KLF12: variants seen among roughly 807,000 people sequenced by gnomAD.
The protein encoded by KLF12 is Krueppel-like factor 12.
In KLF12, 9 loss-of-function variants were observed where a neutral mutation model predicts 37.8. The ratio of observed to expected loss-of-function variants is 0.24; its 90% CI spans 0.14 to 0.42. The LOEUF (loss-of-function observed/expected upper bound fraction) is 0.42. KLF12 is among the 10% of genes least tolerant of loss of function. The probability of loss-of-function intolerance (pLI) is 1.00; values close to 1 mark genes in which losing one functional copy is unlikely to be tolerated. For missense variants in KLF12, 411 were observed against 516.0 expected (o/e 0.80, Z 1.97); for synonymous variants, 208 against 202.1 (o/e 1.03, Z -0.25).
intron 2 of KLF12, among the ~76,000 whole-genome samples, chr13:73,987,675 T>G (rs1593809025): frequency 1.5e-4 from 13 of 87,492 alleles, no homozygotes; most frequent in African/African-American, 1.8e-4. Context: ...AGAGAGGAAA[T>G]TGGAGAGAGG....
chr13:74,251,970 T>C, the KLF12 span, among the ~76,000 whole-genome samples: 194 of 152,172 alleles, frequency 1.3e-3, no homozygotes, highest in African/African-American at 4.3e-3. Context: ...TAGATGGGTG[T>C]GGCCAAGAAC....
chr13:73,928,745 A>C (rs1889525828), intron 3 of KLF12, among the ~76,000 whole-genome samples: 1 of 152,172 alleles, frequency 6.6e-6, no homozygotes, highest in Non-Finnish European at 1.5e-5. Flanking sequence ...TTTGTATCAC[A>C]AAAAAAGCAA....
At chr13:73,882,523 C>T (rs1382218761) in intron 3 of KLF12, among the ~76,000 whole-genome samples, 1 of 152,114 alleles carries the variant, frequency 6.6e-6, no homozygotes, top group Non-Finnish European at 1.5e-5. Context: ...GTTTTAAAAT[C>T]ACTGATATGT....
chr13:74,195,357 C>T, the KLF12 span, among the ~76,000 whole-genome samples: 1 of 152,072 alleles, frequency 6.6e-6, no homozygotes, highest in Non-Finnish European at 1.5e-5. Flanking sequence ...GCTGGGCGTG[C>T]GAACTGCAAG....
chr13:73,925,370 C>T (rs1889324738), intron 3 of KLF12, among the ~76,000 whole-genome samples: 1 of 152,132 alleles, frequency 6.6e-6, no homozygotes, highest in African/African-American at 2.4e-5. Context: ...AAGAATGATG[C>T]TAAATCTACT....
chr13:74,037,504 T>C (rs2138518136), intron 1 of KLF12, among the ~76,000 whole-genome samples: 1 of 152,282 alleles, frequency 6.6e-6, no homozygotes, highest in Middle Eastern at 3.4e-3. Flanking sequence ...TCCAATTCAT[T>C]GCGTATGAGC....
At chr13:74,101,957 C>T (rs938976301) in intron 1 of KLF12, among the ~76,000 whole-genome samples, 1 of 151,638 alleles carries the variant, frequency 6.6e-6, no homozygotes, top group Non-Finnish European at 1.5e-5. Flanking sequence ...CAGTGGCTCA[C>T]ACCTGTAATC....
chr13:73,719,778 T>A (rs1409365450), intron 6 of KLF12, among the ~76,000 whole-genome samples: 2 of 152,116 alleles, frequency 1.3e-5, no homozygotes, highest in Non-Finnish European at 2.9e-5. Flanking sequence ...ACGTTTTAAT[T>A]TTTTGTGGAG....
chr13:74,267,662 TAGCACAGTCAG>T, the KLF12 span, among the ~76,000 whole-genome samples: 2 of 152,158 alleles, frequency 1.3e-5, no homozygotes, highest in South Asian at 2.1e-4. Flanking sequence ...GCTCTAGTGT[TAGCACAGTCAG>T]GTGACTATGG....
chr13:74,160,883 G>C, the KLF12 span, among the ~76,000 whole-genome samples: 1 of 152,032 alleles, frequency 6.6e-6, no homozygotes. Context: ...AGTTCTGATA[G>C]GCAAGAGATG....
intron 6 of KLF12, among the ~76,000 whole-genome samples, chr13:73,717,471 G>A (rs1875901690): frequency 6.6e-6 from 1 of 152,146 alleles, no homozygotes. Context: ...CTTTCATATT[G>A]CTCCAGTGAA....
intron 4 of KLF12, among the ~76,000 whole-genome samples, chr13:73,841,337 G>A (rs73535827): frequency 0.024 from 3,584 of 152,148 alleles, 139 homozygotes; most frequent in African/African-American, 0.081. Flanking sequence ...GGGCCACAAC[G>A]GAAGAAGAAA....
At chr13:74,180,554 A>C in the KLF12 span, among the ~76,000 whole-genome samples, 1 of 152,230 alleles carries the variant, frequency 6.6e-6, no homozygotes, top group Non-Finnish European at 1.5e-5. Flanking sequence ...CATATGTAAG[A>C]TGAAACACAG....
the KLF12 span, among the ~76,000 whole-genome samples, chr13:74,188,014 T>C: frequency 2.0e-5 from 3 of 152,224 alleles, no homozygotes; most frequent in African/African-American, 7.2e-5. Context: ...AAAATGTCTA[T>C]ATAATAAAGA....
intron 1 of KLF12, among the ~76,000 whole-genome samples, chr13:74,070,870 A>C (rs1874193802): frequency 6.6e-6 from 1 of 152,212 alleles, no homozygotes; most frequent in African/African-American, 2.4e-5. Flanking sequence ...AAAATAATTG[A>C]TTGAAGTTTG....
intron 7 of KLF12, among the ~76,000 whole-genome samples, chr13:73,710,515 C>A (rs1445620013): frequency 1.6e-5 from 2 of 121,792 alleles, no homozygotes; most frequent in Non-Finnish European, 3.4e-5. Context: ...TTGTGTGATA[C>A]TTGGGTAATT....
chr13:73,719,375 G>C (rs1384082649), intron 6 of KLF12, among the ~76,000 whole-genome samples: 3 of 150,942 alleles, frequency 2.0e-5, no homozygotes, highest in Non-Finnish European at 4.4e-5. Context: ...TCGAGTTACT[G>C]GTACCAAGTA....
chr13:73,732,619 T>C (rs1452917766), intron 6 of KLF12, among the ~76,000 whole-genome samples: 1 of 152,188 alleles, frequency 6.6e-6, no homozygotes, highest in Non-Finnish European at 1.5e-5. Flanking sequence ...GACCTCTCAA[T>C]GTTGGAGGTT....
chr13:74,158,029 T>G, the KLF12 span, among the ~76,000 whole-genome samples: 1 of 152,220 alleles, frequency 6.6e-6, no homozygotes, highest in African/African-American at 2.4e-5. Context: ...ATATTATGGC[T>G]TAAAACCATG....
Sources: gnomAD v4.1 joint callset for allele counts (sites outside exome capture counted in the v4.1 genomes callset) on GRCh38, gnomAD v4.1.1 for gene constraint, MANE v1.5 for transcripts, NCBI Gene and HGNC (gene_info 2026-07-23, HGNC 2026-07-21) for gene names.